The following TXNRD1 variants were observed in gnomAD, a reference collection of about 807,000 sequenced individuals.
The protein encoded by TXNRD1 is thioredoxin reductase 1.
A neutral mutation model predicts 80.3 loss-of-function variants in TXNRD1; 57 were observed. That is an observed-to-expected ratio of 0.71 (90% confidence interval 0.57 to 0.89). The LOEUF is 0.89. Ranked by LOEUF, TXNRD1 falls within the 40% of genes least tolerant of loss-of-function variation. The pLI, the probability that TXNRD1 is intolerant of heterozygous loss-of-function variation, is 0.00. For synonymous variants in TXNRD1, 291 were observed against 285.2 expected, an observed-to-expected ratio of 1.02 and a Z score of -0.20; for missense variants, 730 against 803.0, an observed-to-expected ratio of 0.91 and a Z score of 1.10.
intron 4 of TXNRD1, among the ~76,000 whole-genome samples, chr12:104,300,911 G>T: frequency 6.6e-6 from 1 of 152,314 alleles, no homozygotes; most frequent in South Asian, 2.1e-4. Flanking sequence ...CTCCCAAAGT[G>T]CTGGGATTAC....
chr12:104,339,219 A>G lies in TXNRD1; in HGVS notation c.1827A>G (p.Gly609=), dbSNP rs746154218. The G allele has an allele frequency of 1.2e-6, 2 of 1,613,960 alleles. No homozygotes were observed. Among genetic ancestry groups the G allele is most frequent in the Non-Finnish European group, 1.7e-6 (2 of 1,179,884 alleles). The change falls in exon 16 of 17, where the codon GGA becomes GGG. Residue 609 remains glycine, a synonymous_variant. Coordinates refer to ENST00000525566, the MANE Select transcript of TXNRD1 (RefSeq NM_001093771.3). The stretch of plus-strand genomic sequence containing the variant: ...GCTTTGCAGCTGCGCTCAAATGTGG[A>G]CTGACCAAAAAGCAGCTGGACAGCA... The part of the protein sequence containing the change: ...TQGFAAALKC[G]LTKKQLDSTI...
intron 4 of TXNRD1, among the ~76,000 whole-genome samples, chr12:104,300,197 C>G (rs927903273): frequency 6.6e-6 from 1 of 151,998 alleles, no homozygotes; most frequent in Admixed American, 6.6e-5. Flanking sequence ...CTCAAGAATG[C>G]TTGGAATTAA....
At chr12:104,216,488 C>T (rs2032216670) in intron 1 of TXNRD1, among the ~76,000 whole-genome samples, 1 of 152,226 alleles carries the variant, frequency 6.6e-6, no homozygotes. Context: ...GAGAAAGCTC[C>T]CAGTCTCTTC....
Position 104,325,445 on chromosome 12 carries a change from A to C in TXNRD1, c.1308+16A>C, listed in dbSNP as rs1167330249. On this transcript the variant is annotated intron_variant, in intron 11 of 16. Coordinates refer to ENST00000525566, the MANE Select transcript of TXNRD1 (RefSeq NM_001093771.3). Reference sequence around the variant, plus strand: ...ATATAATACGGTAAGGAATGGGCCCAGGTTAATACTTTATCAGAAAGCAAA... The same window carrying C: ...ATATAATACGGTAAGGAATGGGCCCCGGTTAATACTTTATCAGAAAGCAAA... 6.4e-7 allele frequency: 1 copy of C among 1,567,852 alleles called. No homozygotes were observed. Among genetic ancestry groups the C allele is most frequent in the Admixed American group, 1.7e-5 (1 of 58,818 alleles).
chr12:104,344,042 T>TC (rs149754734), intron 16 of TXNRD1, among the ~76,000 whole-genome samples: 3,257 of 147,862 alleles, frequency 0.022, 44 homozygotes, highest in Non-Finnish European at 0.032. Context: ...GGTGGAGGTT[T>TC]CAGTGAGCCG....
intron 16 of TXNRD1, among the ~76,000 whole-genome samples, chr12:104,341,438 G>A (rs1206139794): frequency 6.6e-6 from 1 of 152,198 alleles, no homozygotes; most frequent in Non-Finnish European, 1.5e-5. Context: ...AGGAGAGGAG[G>A]CAGCTAGGTG....
At chr12:104,218,184 C>G (rs2032264183) in intron 1 of TXNRD1, among the ~76,000 whole-genome samples, 1 of 152,090 alleles carries the variant, frequency 6.6e-6, no homozygotes, top group African/African-American at 2.4e-5. Context: ...CGCCACCATG[C>G]CCAGCTAATC....
Position 104,231,152 on chromosome 12 carries a change from C to T in TXNRD1, c.91+15259C>T, listed in dbSNP as rs989134440. Among the ~76,000 whole-genome samples the T allele has an allele frequency of 3.9e-5, 6 of 152,146 alleles. 1 individual carries two copies. The highest frequency in any genetic ancestry group is 5.9e-5 in the Non-Finnish European group (4 of 68,014). Reference sequence around the variant, plus strand: ...AAGAAACGAAAACTTCCCAAGGACCCCTTTTCCTGTCTCTCTGCCTAAAAT... The same window carrying T: ...AAGAAACGAAAACTTCCCAAGGACCTCTTTTCCTGTCTCTCTGCCTAAAAT... On this transcript the variant is annotated intron_variant, in intron 1 of 16. Transcript: ENST00000525566.
chr12:104,282,728 C>G (rs528767916), intron 3 of TXNRD1, among the ~76,000 whole-genome samples: 1 of 152,138 alleles, frequency 6.6e-6, no homozygotes, highest in Non-Finnish European at 1.5e-5. Flanking sequence ...CAGTTTTGCT[C>G]TGTCATCCAG....
intron 1 of TXNRD1, among the ~76,000 whole-genome samples, chr12:104,236,920 T>C (rs924298333): frequency 6.6e-6 from 1 of 152,162 alleles, no homozygotes; most frequent in Non-Finnish European, 1.5e-5. Context: ...GACTGAATTA[T>C]TTTTCTCCAT....
rs3184794 is a variant in TXNRD1 at position 104,350,014 on chromosome 12, T to G, written c.*1593T>G. The G allele has an allele frequency of 6.6e-6, 1 of 152,234 alleles. No individual in the cohort carries two copies. Among genetic ancestry groups the G allele is most frequent in the Non-Finnish European group, 1.5e-5 (1 of 68,040 alleles). 9.4% of individuals were successfully genotyped at this position (152,234 alleles called of 1,614,324 possible). On this transcript the variant is annotated 3_prime_UTR_variant, in exon 17 of 17. Transcript: ENST00000525566. ...CAGTTTTATTTATTTATTTTTAATTTGTTTTTTTCTCCAAGTCCACCAGTC... is the reference window on the plus strand; with the variant it reads ...CAGTTTTATTTATTTATTTTTAATTGGTTTTTTTCTCCAAGTCCACCAGTC...
chr12:104,317,557 T>G (rs1013287457), intron 7 of TXNRD1, among the ~76,000 whole-genome samples: 1 of 152,198 alleles, frequency 6.6e-6, no homozygotes, highest in Admixed American at 6.5e-5. Flanking sequence ...CAAAACTTAC[T>G]GTATAGCCAG....
intron 1 of TXNRD1, among the ~76,000 whole-genome samples, chr12:104,247,399 C>T (rs1358875080): frequency 2.0e-5 from 3 of 152,102 alleles, no homozygotes; most frequent in Non-Finnish European, 4.4e-5. Context: ...TTTCTGACTG[C>T]CTGGTTCTGT....
At chr12:104,341,599 G>A (rs1280372399) in intron 16 of TXNRD1, among the ~76,000 whole-genome samples, 1 of 152,156 alleles carries the variant, frequency 6.6e-6, no homozygotes, top group East Asian at 1.9e-4. Context: ...CCCCAGATTT[G>A]TGGGGGTTTT....
intron 1 of TXNRD1, among the ~76,000 whole-genome samples, chr12:104,218,795 A>G (rs2032281060): frequency 6.6e-6 from 1 of 151,774 alleles, no homozygotes; most frequent in Non-Finnish European, 1.5e-5. Flanking sequence ...TTTTGTAGAG[A>G]TGAGGTCTTG....
chr12:104,259,902 T>C (rs1009598834), intron 3 of TXNRD1, among the ~76,000 whole-genome samples: 6 of 152,208 alleles, frequency 3.9e-5, no homozygotes, highest in Non-Finnish European at 7.3e-5. Flanking sequence ...ATAACTACCA[T>C]ATATAGAGTG....
chr12:104,326,178 C>T (rs1233219412), intron 11 of TXNRD1, among the ~76,000 whole-genome samples, 169 bp from the exon 12 acceptor site: 3 of 151,972 alleles, frequency 2.0e-5, no homozygotes, highest in Non-Finnish European at 2.9e-5. Flanking sequence ...GGATTTTTTT[C>T]TGAAGATTTT....
chr12:104,248,363 C>A (rs2033037318), intron 1 of TXNRD1, among the ~76,000 whole-genome samples: 1 of 152,204 alleles, frequency 6.6e-6, no homozygotes, highest in African/African-American at 2.4e-5. Context: ...TGGCTCACTG[C>A]AACCTCCACC....
chr12:104,220,200 A>T (rs561497166), intron 1 of TXNRD1, among the ~76,000 whole-genome samples: 1 of 152,286 alleles, frequency 6.6e-6, no homozygotes, highest in South Asian at 2.1e-4. Flanking sequence ...AGGAAATTGA[A>T]AGCTTTGGAA....
Sources: allele counts gnomAD v4.1 joint callset (sites outside exome capture counted in the v4.1 genomes callset), GRCh38; gene constraint gnomAD v4.1.1; transcripts MANE v1.5; gene names NCBI Gene and HGNC (gene_info 2026-07-23, HGNC 2026-07-21).